The following METTL9 variants were observed in gnomAD, a reference collection of about 807,000 sequenced individuals.
METTL9 encodes the protein protein-L-histidine N-pros-methyltransferase.
METTL9 carries 10 observed loss-of-function variants against 36.0 expected under a neutral mutation model. The ratio of observed to expected loss-of-function variants is 0.28; its 90% confidence interval spans 0.17 to 0.47. METTL9 has a LOEUF of 0.47. Among genes scored for constraint, METTL9 ranks in the 20% least tolerant of loss-of-function variants. The pLI is 0.99. For synonymous variants in METTL9, 175 were observed against 149.7 expected (o/e 1.17, Z -1.23); for missense variants, 246 against 383.5 (o/e 0.64, Z 3.00).
rs560799457 is a variant in METTL9 at position 21,613,254 on chromosome 16, G to T, written c.356+419G>T. Among the ~76,000 whole-genome samples the T allele has an allele frequency of 2.1e-4, 30 of 146,232 alleles. No individual in the cohort carries two copies. In the South Asian group the frequency reaches 6.2e-3, roughly 30 times the overall value. ...AGACTGGAGTGCAGTGGCAATCTGG[G>T]CTCACTGCAGCCTCCGCCTCCCGGG... is the stretch of plus-strand genomic sequence containing the variant. On this transcript the variant is annotated intron_variant, in intron 2 of 4. Transcript: ENST00000358154.
In METTL9 at chr16:21,615,265, G is replaced by C. The variant is rs141209414; in HGVS notation, c.356+2430G>C. On this transcript the variant is annotated intron_variant, in intron 2 of 4. Coordinates refer to ENST00000358154, the MANE Select transcript of METTL9 (RefSeq NM_016025.5). The stretch of plus-strand genomic sequence containing the variant: ...TTTTTTGGAGACAGGGTCTCGCTCT[G>C]TTGCCTAGGCTGGAGTGCAGTGTCA... Among the ~76,000 whole-genome samples, 487 of 152,182 alleles carry C rather than the reference G, an allele frequency of 3.2e-3. 2 individuals carry two copies. The highest frequency in any genetic ancestry group is 9.7e-3 in the African/African-American group (404 of 41,504).
At chr16:21,599,144 T>C (rs895743750), upstream of METTL9, among the ~76,000 whole-genome samples, 4 of 152,118 alleles carry the variant, frequency 2.6e-5, no homozygotes, top group Admixed American at 2.6e-4. The surrounding 1 kb of genome is among the most constrained non-coding windows in gnomAD (Gnocchi z 4.4). Context: ...CCCCCGGGGT[T>C]AACTGCACGA....
intron 4 of METTL9, among the ~76,000 whole-genome samples, chr16:21,641,805 C>T (rs1033429716): frequency 1.3e-5 from 2 of 151,884 alleles, no homozygotes; most frequent in East Asian, 3.9e-4. Flanking sequence ...TTGGATGCTA[C>T]TGTCAAAATC....
intron 4 of METTL9, among the ~76,000 whole-genome samples, chr16:21,643,901 T>A (rs1027436763): frequency 1.3e-5 from 2 of 152,326 alleles, no homozygotes; most frequent in African/African-American, 4.8e-5. Flanking sequence ...AAGGCGGCTT[T>A]TAGTTTCTTC....
At chr16:21,617,485 T>C (rs930887930) in intron 2 of METTL9, among the ~76,000 whole-genome samples, 1 of 151,408 alleles carries the variant, frequency 6.6e-6, no homozygotes, top group African/African-American at 2.4e-5. Context: ...CCCAGCACTT[T>C]GGGAGGCCGA....
At chr16:21,606,064 C>T (rs566127625) in intron 1 of METTL9, among the ~76,000 whole-genome samples, 1 of 152,166 alleles carries the variant, frequency 6.6e-6, no homozygotes, top group Admixed American at 6.5e-5. Context: ...AACACAGGTG[C>T]GGTGGCTCAC....
chr16:21,609,375 G>A (rs1965370917), intron 1 of METTL9, among the ~76,000 whole-genome samples: 1 of 152,110 alleles, frequency 6.6e-6, no homozygotes, highest in African/African-American at 2.4e-5. Flanking sequence ...GAAGCTCTCA[G>A]TCTACCTGGG....
rs1439399055 is a variant in METTL9, at chr16:21,656,636, G to T, written c.*1204G>T. The T allele has an allele frequency of 1.3e-5, 2 of 152,212 alleles. No individual in the cohort carries two copies. Among genetic ancestry groups the T allele is most frequent in the Admixed American group, 6.5e-5 (1 of 15,274 alleles). The allele number at this position is 152,212 out of a possible 1,614,324, so 9.4% of individuals were successfully genotyped here. A position where few individuals can be genotyped will look rare whatever the true frequency, so the allele number is the denominator to read the frequency against. On this transcript the variant is annotated 3_prime_UTR_variant, in exon 5 of 5. Coordinates refer to ENST00000358154, the MANE Select transcript of METTL9 (RefSeq NM_016025.5). ...ACAGAAATGTCAATATGAGATTGTG[G>T]TTATTAACAATATGTTATCCTCACT...
chr16:21,635,300 G>C (rs977792656), intron 4 of METTL9, among the ~76,000 whole-genome samples: 1 of 152,106 alleles, frequency 6.6e-6, no homozygotes, highest in Non-Finnish European at 1.5e-5. Context: ...GAACATAACC[G>C]ATAGCCTGGG....
rs1966356154 is a variant in METTL9, at chr16:21,644,147, G to A, written c.752-11080G>A. 8.2e-6 allele frequency: 5 copies of A among 613,372 alleles called. No individual in the cohort carries two copies. In the East Asian group the frequency reaches 1.4e-4, roughly 17 times the overall value. 38.0% of individuals were successfully genotyped at this position (613,372 alleles called of 1,614,324 possible). On this transcript the variant is annotated intron_variant, in intron 4 of 4. Transcript: ENST00000358154. ...CTTCTTCCAAAGACCTCTTCTGCAG[G>A]TGGTGTTCCCTGCAGATGCACAGGA... is the stretch of plus-strand genomic sequence containing the variant.
chr16:21,626,656 G>A (rs968432701), intron 4 of METTL9: 3 of 152,242 alleles, frequency 2.0e-5, no homozygotes, highest in East Asian at 3.9e-4. Context: ...AAATGTGAGT[G>A]TATATATATC....
chr16:21,616,433 T>C (rs1018649858), intron 2 of METTL9, among the ~76,000 whole-genome samples: 1 of 152,224 alleles, frequency 6.6e-6, no homozygotes, highest in Non-Finnish European at 1.5e-5. Context: ...TGAGAATCCC[T>C]GTCCTAGATA....
chr16:21,620,851 A>G (rs990335946), intron 3 of METTL9, among the ~76,000 whole-genome samples: 14 of 152,148 alleles, frequency 9.2e-5, no homozygotes, highest in Admixed American at 5.9e-4. Context: ...AGGTCACCCA[A>G]TCCAAGATGG....
intron 4 of METTL9, among the ~76,000 whole-genome samples, chr16:21,629,628 G>A (rs987816071): frequency 6.6e-6 from 1 of 152,186 alleles, no homozygotes; most frequent in African/African-American, 2.4e-5. Flanking sequence ...GACCTTTGCG[G>A]TGAGTGTTAC....
At chr16:21,618,794 A>G (rs1343157335) in intron 3 of METTL9, among the ~76,000 whole-genome samples, 2 of 151,348 alleles carry the variant, frequency 1.3e-5, no homozygotes, top group East Asian at 3.9e-4. Context: ...GCTCACTACA[A>G]CCTCTACCTC....
chr16:21,610,158 C>T (rs1965393660), intron 1 of METTL9, among the ~76,000 whole-genome samples: 1 of 152,164 alleles, frequency 6.6e-6, no homozygotes, highest in Non-Finnish European at 1.5e-5. Context: ...TGTCCCAGCT[C>T]CCCAGCCCCT....
intron 4 of METTL9, 45 bp downstream of exon 4, chr16:21,625,160 T>C: frequency 6.3e-7 from 1 of 1,596,454 alleles, no homozygotes; most frequent in Middle Eastern, 1.7e-4. Context: ...GATAGCTGTT[T>C]ATTGGTATTT....
chr16:21,641,747 C>T (rs1340149973), intron 4 of METTL9, among the ~76,000 whole-genome samples: 2 of 152,060 alleles, frequency 1.3e-5, no homozygotes, highest in Non-Finnish European at 2.9e-5. Flanking sequence ...TTTCCCCATC[C>T]GTATTTAGAG....
At chr16:21,618,740 G>A (rs928918460) in intron 3 of METTL9, among the ~76,000 whole-genome samples, 2 of 151,466 alleles carry the variant, frequency 1.3e-5, no homozygotes, top group African/African-American at 4.9e-5. Context: ...TTGAGATGGA[G>A]TCTTGCTCTG....
Sources: gnomAD v4.1 joint callset for allele counts (sites outside exome capture counted in the v4.1 genomes callset) on GRCh38, gnomAD v4.1.1 for gene constraint, Gnocchi (gnomAD v3.1) non-coding constraint, MANE v1.5 for transcripts, NCBI Gene and HGNC (gene_info 2026-07-23, HGNC 2026-07-21) for gene names.